The following SCHIP1 variants were observed in gnomAD, a reference collection of about 807,000 sequenced individuals.
The protein encoded by SCHIP1 is schwannomin-interacting protein 1.
In SCHIP1, 8 loss-of-function variants were observed where a neutral mutation model predicts 29.7. The ratio of observed to expected loss-of-function variants is 0.27; its 90% CI spans 0.16 to 0.49. The LOEUF is 0.49. Among genes scored for constraint, SCHIP1 ranks in the 20% least tolerant of loss-of-function variants. SCHIP1 has a pLI of 0.99. For missense variants in SCHIP1, 193 were observed against 294.6 expected (o/e 0.66, Z 2.52); for synonymous variants, 76 against 94.9 (o/e 0.80, Z 1.16).
the SCHIP1 span, among the ~76,000 whole-genome samples, chr3:159,365,234 T>C: frequency 1.3e-5 from 2 of 152,178 alleles, no homozygotes; most frequent in Non-Finnish European, 1.5e-5. Context: ...CCTCTATTGA[T>C]ATTGCTCCAG....
chr3:159,644,066 C>T, the SCHIP1 span, among the ~76,000 whole-genome samples: 2 of 152,086 alleles, frequency 1.3e-5, no homozygotes, highest in Non-Finnish European at 2.9e-5. Context: ...GAAGTTAACA[C>T]AATATTCCAG....
chr3:159,583,235 C>T, the SCHIP1 span, among the ~76,000 whole-genome samples: 2 of 152,064 alleles, frequency 1.3e-5, no homozygotes, highest in African/African-American at 2.4e-5. Context: ...TTTTCTAAGG[C>T]AACACAACCA....
At chr3:159,454,345 G>T in the SCHIP1 span, among the ~76,000 whole-genome samples, 1 of 152,072 alleles carries the variant, frequency 6.6e-6, no homozygotes, top group Admixed American at 6.6e-5. Flanking sequence ...TGGGGGTGGG[G>T]GCTGGTGACA....
At chr3:159,709,532 C>T in the SCHIP1 span, among the ~76,000 whole-genome samples, 2 of 152,016 alleles carry the variant, frequency 1.3e-5, no homozygotes, top group Non-Finnish European at 2.9e-5. Context: ...ATTTGCTTCC[C>T]AAAAAAACTG....
chr3:159,633,708 G>T, the SCHIP1 span, among the ~76,000 whole-genome samples: 1 of 152,198 alleles, frequency 6.6e-6, no homozygotes, highest in Non-Finnish European at 1.5e-5. Flanking sequence ...CATATATATG[G>T]CTCAAGAAAT....
chr3:159,540,939 G>A, the SCHIP1 span, among the ~76,000 whole-genome samples: 22 of 152,180 alleles, frequency 1.4e-4, no homozygotes, highest in African/African-American at 5.1e-4. Flanking sequence ...AAAAAAATGT[G>A]TGTTCTCCTT....
chr3:159,887,875 G>T (rs1033378968), exon 4 of SCHIP1: 1 of 1,613,986 alleles, frequency 6.2e-7, no homozygotes. Flanking sequence ...TGGAGAAACA[G>T]AACAGGAAAA....
intron 2 of SCHIP1, among the ~76,000 whole-genome samples, chr3:159,878,302 A>G (rs977270889): frequency 6.6e-5 from 10 of 151,492 alleles, no homozygotes; most frequent in African/African-American, 2.4e-4. Context: ...ACATGGTGAA[A>G]CCCTGTCTCT....
the SCHIP1 span, among the ~76,000 whole-genome samples, chr3:159,570,577 G>A: frequency 1.4e-4 from 22 of 152,212 alleles, no homozygotes; most frequent in Admixed American, 5.2e-4. Flanking sequence ...GTCAGGTAGC[G>A]TGATGCCTCC....
At chr3:159,344,891 A>G in the SCHIP1 span, among the ~76,000 whole-genome samples, 1 of 152,232 alleles carries the variant, frequency 6.6e-6, no homozygotes, top group Non-Finnish European at 1.5e-5. Flanking sequence ...GAGTTATGGG[A>G]ACTCTGTACT....
At chr3:159,539,033 A>G in the SCHIP1 span, among the ~76,000 whole-genome samples, 2,115 of 152,164 alleles carry the variant, frequency 0.014, 54 homozygotes, top group African/African-American at 0.049. Flanking sequence ...TCCAAACAGT[A>G]TCTATCCCTA....
At chr3:159,594,857 T>A in the SCHIP1 span, among the ~76,000 whole-genome samples, 1 of 152,354 alleles carries the variant, frequency 6.6e-6, no homozygotes, top group African/African-American at 2.4e-5. Context: ...GGTTGTTCAC[T>A]TAATTGACTA....
exon 7 of SCHIP1, chr3:159,896,729 T>C: frequency 6.2e-7 from 1 of 1,605,870 alleles, no homozygotes; most frequent in Non-Finnish European, 8.5e-7. Flanking sequence ...ACAGACATGC[T>C]GAAAGTCAGC....
the SCHIP1 span, among the ~76,000 whole-genome samples, chr3:159,689,582 C>A: frequency 7.0e-6 from 1 of 143,048 alleles, no homozygotes; most frequent in East Asian, 2.1e-4. Context: ...TATTTGAATA[C>A]CTTTATTTCT....
At chr3:159,808,371 C>G in the SCHIP1 span, 2 of 152,322 alleles carry the variant, frequency 1.3e-5, no homozygotes, top group South Asian at 4.2e-4. Context: ...CAGCAATAGT[C>G]CTATGCTTCT....
the SCHIP1 span, among the ~76,000 whole-genome samples, chr3:159,558,229 A>G: frequency 6.6e-6 from 1 of 152,250 alleles, no homozygotes; most frequent in Non-Finnish European, 1.5e-5. Context: ...CCAGCTAGAG[A>G]GAAAAACGGG....
At chr3:159,870,689 A>T (rs535355275) in intron 2 of SCHIP1, among the ~76,000 whole-genome samples, 1 of 152,094 alleles carries the variant, frequency 6.6e-6, no homozygotes, top group East Asian at 1.9e-4. Flanking sequence ...AATAAAATTC[A>T]TATTTTATTT....
chr3:159,455,847 T>C, the SCHIP1 span, among the ~76,000 whole-genome samples: 1 of 152,150 alleles, frequency 6.6e-6, no homozygotes, highest in South Asian at 2.1e-4. Context: ...GTGTGAGACA[T>C]CCTGGGCTGG....
the SCHIP1 span, among the ~76,000 whole-genome samples, chr3:159,798,791 C>A: frequency 2.0e-5 from 3 of 151,290 alleles, no homozygotes; most frequent in Admixed American, 2.0e-4. Flanking sequence ...CAACAACAAC[C>A]AAAAAAAACA....
Sources: allele counts gnomAD v4.1 joint callset (sites outside exome capture counted in the v4.1 genomes callset), GRCh38; gene constraint gnomAD v4.1.1; transcripts MANE v1.5; gene names NCBI Gene and HGNC (gene_info 2026-07-23, HGNC 2026-07-21).